RIPOR3: variants seen among roughly 807,000 people sequenced by gnomAD.
The protein encoded by RIPOR3 is RIPOR family member 3.
In RIPOR3, 95 loss-of-function variants were observed where a neutral mutation model predicts 114.3. The observed-to-expected ratio is 0.83, with a 90% CI of 0.70 to 0.99. RIPOR3 has a LOEUF of 0.99. Ranked by LOEUF, RIPOR3 falls within the 50% of genes least tolerant of loss-of-function variation. The probability of loss-of-function intolerance (pLI) is 0.00; values close to 1 mark genes in which losing one functional copy is unlikely to be tolerated. For synonymous variants in RIPOR3, 575 were observed against 543.8 expected (o/e 1.06, Z -0.80); for missense variants, 1,252 against 1,266.9 (o/e 0.99, Z 0.18).
At chr20:50,587,563 T>G (rs1158189071) in intron 21 of RIPOR3, among the ~76,000 whole-genome samples, 1 of 152,180 alleles carries the variant, frequency 6.6e-6, no homozygotes, top group Non-Finnish European at 1.5e-5. Flanking sequence ...TGCCTCTGGC[T>G]TCTATCCCAA....
chr20:50,597,815 A>G (rs1315735047), intron 13 of RIPOR3, 105 bp from the exon 14 acceptor site: 2 of 1,469,606 alleles, frequency 1.4e-6, no homozygotes, highest in African/African-American at 2.8e-5. Context: ...TCCCGGTCCC[A>G]AGCCCCAATC....
At chr20:50,664,982 A>G (rs902016239) in intron 1 of RIPOR3, among the ~76,000 whole-genome samples, 2 of 152,102 alleles carry the variant, frequency 1.3e-5, no homozygotes, top group Non-Finnish European at 2.9e-5. Flanking sequence ...CATGCCTGTA[A>G]TCCCAGCTAC....
chr20:50,595,364 CT>C lies in RIPOR3; in HGVS notation c.2050+4del, dbSNP rs1436507245. The C allele has an allele frequency of 6.2e-7, 1 of 1,612,866 alleles. No individual in the cohort carries two copies. The highest frequency in any genetic ancestry group is 2.2e-5 in the East Asian group (1 of 44,842). Reference sequence around the variant, plus strand: ...GCAGCCCCTGGGTGGCAGGCAGCTACTTACTCTCTTCAATGGATGTTGCCTT... The same window carrying C: ...GCAGCCCCTGGGTGGCAGGCAGCTACTACTCTCTTCAATGGATGTTGCCTT... On this transcript the variant is annotated splice_donor_region_variant and intron_variant, in intron 16 of 21. Coordinates refer to ENST00000327979, the MANE Select transcript of RIPOR3 (RefSeq NM_001290268.2).
chr20:50,636,759 G>T (rs756514612), intron 1 of RIPOR3: 55 of 985,436 alleles, frequency 5.6e-5, no homozygotes, highest in African/African-American at 1.7e-5. Context: ...GCTGGAGGAA[G>T]CAGAGTCTAC....
At chr20:50,598,951 C>CA (rs978180574) in intron 13 of RIPOR3, among the ~76,000 whole-genome samples, 4 of 151,116 alleles carry the variant, frequency 2.6e-5, no homozygotes, top group South Asian at 2.1e-4. Context: ...AAAATCACAG[C>CA]AAAAAAACTG....
At position 50,589,953 on chromosome 20, in the gene RIPOR3, G is replaced by A. The variant is rs2083057303; in HGVS notation, c.2578-184C>T. On this transcript the variant is annotated intron_variant, in intron 19 of 21. Transcript: ENST00000327979. ...ACACAGTCACAAGATCTATACTGTG[G>A]TGTTTAATTTATCCCTAAAAACAGA... 3 of 547,208 alleles carry A rather than the reference G, an allele frequency of 5.5e-6. No homozygotes were observed. The African/African-American group carries it at 5.7e-5, about 10-fold the overall frequency. 33.9% of individuals were successfully genotyped at this position (547,208 alleles called of 1,614,324 possible). A position where few individuals can be genotyped will look rare whatever the true frequency, so the allele number is the denominator to read the frequency against.
intron 6 of RIPOR3, among the ~76,000 whole-genome samples, chr20:50,610,574 C>G (rs1236084998): frequency 6.6e-6 from 1 of 152,144 alleles, no homozygotes; most frequent in African/African-American, 2.4e-5. Flanking sequence ...TAAGACTGAG[C>G]ATGAGGTCTT....
chr20:50,672,570 A>C (rs2086553136), intron 1 of RIPOR3, among the ~76,000 whole-genome samples: 1 of 152,160 alleles, frequency 6.6e-6, no homozygotes, highest in Non-Finnish European at 1.5e-5. Flanking sequence ...CTCTTGTGGG[A>C]AGGCCGCGGC....
intron 13 of RIPOR3, among the ~76,000 whole-genome samples, chr20:50,599,115 G>C (rs1178932435): frequency 6.6e-6 from 1 of 152,038 alleles, no homozygotes; most frequent in East Asian, 1.9e-4. Flanking sequence ...TTGTTGGCTG[G>C]GTGTGGTGGC....
chr20:50,597,452 T>TA, intron 14 of RIPOR3, 128 bp downstream of exon 14: 2 of 1,351,092 alleles, frequency 1.5e-6, no homozygotes, highest in Non-Finnish European at 2.0e-6. Context: ...GGGTGCACGA[T>TA]AGAGTGACAA....
In RIPOR3 at chr20:50,594,684, C is replaced by T. The variant is rs2083229164; in HGVS notation, c.2081G>A (p.Cys694Tyr). 6.2e-7 allele frequency: 1 copy of T among 1,612,736 alleles called. No homozygotes were observed. Among genetic ancestry groups the T allele is most frequent in the Non-Finnish European group, 8.5e-7 (1 of 1,179,102 alleles). ...IIPQASRTKG[C>Y]LKLWRGCTGP... ...TGTGCACCCTCTCCACAGCTTCAGG[C>T]ACCCCTTCGTCCGCGAGGCCTGTGG... The change falls in exon 17 of 22, where the codon TGC (cysteine) becomes TAC (tyrosine). Residue 694 changes from cysteine to tyrosine, a missense_variant. Cys to Tyr is a radical substitution (Grantham distance 194). Coordinates refer to ENST00000327979, the MANE Select transcript of RIPOR3 (RefSeq NM_001290268.2).
chr20:50,665,835 C>G (rs2086171972), intron 1 of RIPOR3, among the ~76,000 whole-genome samples: 1 of 152,086 alleles, frequency 6.6e-6, no homozygotes, highest in African/African-American at 2.4e-5. Context: ...CTGGTTCAAC[C>G]AAGGAATCTG....
At chr20:50,593,992 C>T (rs987915682) in intron 17 of RIPOR3, among the ~76,000 whole-genome samples, 7 of 152,044 alleles carry the variant, frequency 4.6e-5, no homozygotes, top group Non-Finnish European at 7.4e-5. Flanking sequence ...CTCTGGCGGC[C>T]GGGCGCAGTG....
At chr20:50,617,114 C>G (rs1457805439) in intron 3 of RIPOR3, among the ~76,000 whole-genome samples, 1 of 152,152 alleles carries the variant, frequency 6.6e-6, no homozygotes, top group Non-Finnish European at 1.5e-5. Context: ...TGCACCCCAC[C>G]TGGGCAACAG....
At chr20:50,593,838 G>T (rs143846849) in intron 17 of RIPOR3, among the ~76,000 whole-genome samples, 2 of 152,144 alleles carry the variant, frequency 1.3e-5, no homozygotes, top group Non-Finnish European at 2.9e-5. Context: ...GCTCCACAGA[G>T]AAAGGCAAAT....
intron 1 of RIPOR3, among the ~76,000 whole-genome samples, chr20:50,656,609 C>T (rs1411192219): frequency 3.3e-5 from 5 of 152,036 alleles, no homozygotes. Flanking sequence ...AAATGATCCT[C>T]CTGCCTCAGC....
intron 2 of RIPOR3, among the ~76,000 whole-genome samples, chr20:50,623,269 A>G (rs1443986385): frequency 6.6e-6 from 1 of 151,422 alleles, no homozygotes; most frequent in African/African-American, 2.4e-5. Flanking sequence ...TTAAAAAAAA[A>G]AAAAAAAAAA....
intron 1 of RIPOR3, among the ~76,000 whole-genome samples, chr20:50,687,439 T>C (rs377146637): frequency 2.6e-5 from 4 of 152,348 alleles, no homozygotes; most frequent in Middle Eastern, 3.4e-3. Context: ...CAGGAGACGA[T>C]TTTTGACAAT....
intron 8 of RIPOR3, 33 bp downstream of exon 8, chr20:50,609,260 A>AG (rs2083854906): frequency 6.2e-7 from 1 of 1,608,354 alleles, no homozygotes; most frequent in East Asian, 2.2e-5. Context: ...GCCTCCAGAA[A>AG]GGCCTCCGCC....
Sources: gnomAD v4.1 joint callset for allele counts (sites outside exome capture counted in the v4.1 genomes callset) on GRCh38, gnomAD v4.1.1 for gene constraint, MANE v1.5 for transcripts, NCBI Gene and HGNC (gene_info 2026-07-23, HGNC 2026-07-21) for gene names.